The following GRIN3A variants were observed in gnomAD, a reference collection of about 807,000 sequenced individuals.
GRIN3A encodes glutamate receptor ionotropic, NMDA 3A.
GRIN3A carries 47 observed loss-of-function variants against 92.4 expected under a neutral mutation model. The observed-to-expected ratio is 0.51, with a 90% confidence interval of 0.40 to 0.65. The LOEUF (loss-of-function observed/expected upper bound fraction) is 0.65, where lower values mean the gene tolerates loss of function less well. Ranked by LOEUF, GRIN3A falls within the 30% of genes least tolerant of loss-of-function variation. GRIN3A has a pLI of 0.00. For missense variants in GRIN3A, 1,324 were observed against 1,393.1 expected (o/e 0.95, Z 0.79); for synonymous variants, 527 against 540.6 (o/e 0.97, Z 0.35).
At chr9:101,588,568 A>G (rs1420676249) in intron 6 of GRIN3A, among the ~76,000 whole-genome samples, 2 of 152,170 alleles carry the variant, frequency 1.3e-5, no homozygotes, top group Non-Finnish European at 2.9e-5. Flanking sequence ...CAGTTTTTTG[A>G]AAAATTTATT....
intron 3 of GRIN3A, among the ~76,000 whole-genome samples, chr9:101,635,131 G>A (rs572315037): frequency 2.0e-5 from 3 of 152,238 alleles, no homozygotes; most frequent in Admixed American, 6.5e-5. Flanking sequence ...AGCCGTCTAC[G>A]TTAGGTCAGC....
intron 3 of GRIN3A, among the ~76,000 whole-genome samples, chr9:101,634,168 C>T (rs1050085346): frequency 1.3e-5 from 2 of 151,714 alleles, no homozygotes; most frequent in Non-Finnish European, 1.5e-5. Flanking sequence ...CCTGTCTCTA[C>T]TAAAAATACA....
At chr9:101,654,885 G>A (rs1829064388) in intron 3 of GRIN3A, among the ~76,000 whole-genome samples, 2 of 151,706 alleles carry the variant, frequency 1.3e-5, no homozygotes, top group Admixed American at 6.6e-5. Context: ...TGGCGGGTAG[G>A]GATCTGACTT....
At chr9:101,599,397 A>G (rs1300281555) in intron 6 of GRIN3A, among the ~76,000 whole-genome samples, 1 of 152,158 alleles carries the variant, frequency 6.6e-6, no homozygotes, top group East Asian at 1.9e-4. Flanking sequence ...GTCAATGTGA[A>G]CTTGAGTTCC....
At chr9:101,737,202 G>A in intron 1 of GRIN3A, 79 bp downstream of exon 1, 4 of 1,168,578 alleles carry the variant, frequency 3.4e-6, no homozygotes, top group East Asian at 2.4e-5. Flanking sequence ...ACTTTACCAA[G>A]CCGTTTTCTC....
chr9:101,640,983 T>G (rs534946003), intron 3 of GRIN3A, among the ~76,000 whole-genome samples: 1 of 152,234 alleles, frequency 6.6e-6, no homozygotes, highest in Non-Finnish European at 1.5e-5. Context: ...ACAGTTCATG[T>G]GGAGAAATAG....
intron 5 of GRIN3A, among the ~76,000 whole-genome samples, chr9:101,618,706 T>C (rs1024360591): frequency 1.3e-5 from 2 of 152,174 alleles, no homozygotes; most frequent in Non-Finnish European, 2.9e-5. Flanking sequence ...AGAAGACTTA[T>C]TTGTTAAAAG....
rs952445048 is a variant in GRIN3A at position 101,570,402 on chromosome 9, T to C, written c.*2772A>G. 9.2e-5 allele frequency: 14 copies of C among 152,642 alleles called. No individual in the cohort carries two copies. The highest frequency in any genetic ancestry group is 3.4e-4 in the African/African-American group (14 of 41,456). The allele number at this position is 152,642 out of a possible 1,614,324, so 9.5% of individuals were successfully genotyped here. ...AAAGGAGGTTTCCAAGGACCCACCATTTCATGACATCATTTTACAAAACAC... is the reference window on the plus strand; with the variant it reads ...AAAGGAGGTTTCCAAGGACCCACCACTTCATGACATCATTTTACAAAACAC... On this transcript the variant is annotated 3_prime_UTR_variant, in exon 9 of 9. Coordinates refer to ENST00000361820, the MANE Select transcript of GRIN3A (RefSeq NM_133445.3).
Position 101,569,796 on chromosome 9 carries a change from C to T in GRIN3A, c.*3378G>A, listed in dbSNP as rs1827735148. 1 of 152,130 alleles carries T rather than the reference C, an allele frequency of 6.6e-6. No individual in the cohort carries two copies. The highest frequency in any genetic ancestry group is 1.5e-5 in the Non-Finnish European group (1 of 68,028). The allele number at this position is 152,130 out of a possible 1,614,324, so 9.4% of individuals were successfully genotyped here. A position where few individuals can be genotyped will look rare whatever the true frequency, so the allele number is the denominator to read the frequency against. The stretch of plus-strand genomic sequence containing the variant: ...ATATGAGTTGGGAGAAAAAGAGGCT[C>T]TAAAGTAGTTTCTTTCCCCTTTATT... On this transcript the variant is annotated 3_prime_UTR_variant, in exon 9 of 9. Transcript: ENST00000361820.
intron 1 of GRIN3A, among the ~76,000 whole-genome samples, chr9:101,729,385 AG>A (rs1279273671): frequency 6.6e-6 from 1 of 152,146 alleles, no homozygotes; most frequent in East Asian, 1.9e-4. Flanking sequence ...GGAGCCTCTG[AG>A]GGGAAAACCC....
At chr9:101,583,952 G>C (rs1407431631) in intron 6 of GRIN3A, among the ~76,000 whole-genome samples, 4 of 152,148 alleles carry the variant, frequency 2.6e-5, no homozygotes, top group Non-Finnish European at 1.5e-5. Context: ...TGCCTCCCGG[G>C]TTCAAGCAAT....
intron 3 of GRIN3A, among the ~76,000 whole-genome samples, chr9:101,648,917 T>G (rs1828975074): frequency 6.6e-6 from 1 of 152,036 alleles, no homozygotes; most frequent in African/African-American, 2.4e-5. Context: ...TTTTTCCCAT[T>G]ATGGGAAGAA....
intron 3 of GRIN3A, among the ~76,000 whole-genome samples, chr9:101,632,227 A>C (rs1828724523): frequency 6.6e-6 from 1 of 152,190 alleles, no homozygotes; most frequent in African/African-American, 2.4e-5. Context: ...TTCCTGAGGA[A>C]AACCTTCACT....
At position 101,686,893 on chromosome 9, in the gene GRIN3A, C is replaced by A; in HGVS notation, c.1007G>T (p.Arg336Leu). ...CTGGGTTGTAATTTCGAAAATCCGC[C>A]GGATACTTTCCATGTCGCAGCCAAA... The part of the protein sequence containing the change: ...VMFGCDMESI[R>L]RIFEITTQFG... Residue 336 changes from arginine (R) to leucine (L), a missense_variant, in exon 2 of 9, where the codon CGG (arginine) becomes CTG (leucine). Physicochemically the swap from Arg to Leu is moderately radical, Grantham distance 102. Transcript: ENST00000361820. The A allele has an allele frequency of 6.2e-7, 1 of 1,614,202 alleles. No homozygotes were observed. Among genetic ancestry groups the A allele is most frequent in the Non-Finnish European group, 8.5e-7 (1 of 1,180,044 alleles).
chr9:101,660,115 T>C (rs942949731), intron 3 of GRIN3A, among the ~76,000 whole-genome samples: 2 of 151,642 alleles, frequency 1.3e-5, no homozygotes, highest in African/African-American at 4.8e-5. Context: ...CTAATCCAAC[T>C]CCATAATATA....
chr9:101,595,905 GGAT>G (rs1392141092), intron 6 of GRIN3A, among the ~76,000 whole-genome samples: 1 of 152,150 alleles, frequency 6.6e-6, no homozygotes, highest in African/African-American at 2.4e-5. Flanking sequence ...AGTCGCCTCT[GGAT>G]GATCTCACTT....
At chr9:101,624,427 A>T (rs1276769087) in intron 4 of GRIN3A, among the ~76,000 whole-genome samples, 1 of 124,352 alleles carries the variant, frequency 8.0e-6, no homozygotes, top group Non-Finnish European at 1.6e-5. Flanking sequence ...TCCTGTGTCC[A>T]TGTGTTCTCA....
chr9:101,613,667 A>G (rs1050151404), intron 5 of GRIN3A, 140 bp from the exon 6 acceptor site: 2 of 774,562 alleles, frequency 2.6e-6, no homozygotes, highest in African/African-American at 3.4e-5. Context: ...CAAAGCACTC[A>G]AAGACATTCC....
chr9:101,729,882 T>C (rs566925311), intron 1 of GRIN3A, among the ~76,000 whole-genome samples: 4 of 152,240 alleles, frequency 2.6e-5, no homozygotes, highest in Admixed American at 2.6e-4. Context: ...ACTCAATTTT[T>C]TCTAAAGACC....
Sources: allele counts gnomAD v4.1 joint callset (sites outside exome capture counted in the v4.1 genomes callset), GRCh38; gene constraint gnomAD v4.1.1; transcripts MANE v1.5; gene names NCBI Gene and HGNC (gene_info 2026-07-23, HGNC 2026-07-21).